VPS9D1: variants seen among roughly 807,000 people sequenced by gnomAD.
VPS9D1 encodes the protein VPS9 domain-containing protein 1.
A neutral mutation model predicts 75.8 loss-of-function variants in VPS9D1; 78 were observed. The ratio of observed to expected loss-of-function variants is 1.03; its 90% CI spans 0.86 to 1.24. VPS9D1 has a LOEUF of 1.24. Among genes scored for constraint, VPS9D1 ranks in the 50% most tolerant of loss-of-function variants. VPS9D1 has a pLI of 0.00. For missense variants in VPS9D1, 1,057 were observed against 847.7 expected, an observed-to-expected ratio of 1.25 and a Z score of -3.07; for synonymous variants, 481 against 385.6, an observed-to-expected ratio of 1.25 and a Z score of -2.90.
intron 13 of VPS9D1, 52 bp downstream of exon 13, chr16:89,708,805 G>T (rs975195807): frequency 2.0e-6 from 3 of 1,494,292 alleles, no homozygotes; most frequent in Non-Finnish European, 2.7e-6. Context: ...CGTGACCATT[G>T]CCTTTCTAGG....
At chr16:89,720,166 C>T (rs989514897) in intron 1 of VPS9D1, among the ~76,000 whole-genome samples, 1 of 152,208 alleles carries the variant, frequency 6.6e-6, no homozygotes, top group African/African-American at 2.4e-5. Flanking sequence ...GGGAAAGCAG[C>T]AGATTCAGGA....
rs769127445 is a variant in VPS9D1, at chr16:89,708,473, G to A, written c.1756C>T (p.Gln586Ter). Reference protein sequence around the residue: ...SFVVLRSGLPQLVSECAALEE... With the variant: ...SFVVLRSGLP ...AGGGCCGCGCACTCCGACACCAGCT[G>A]AGGGAGGCCGCTCCTCAGCACCACG... Residue 586 changes from glutamine to a stop codon, truncating the protein, a stop_gained, in exon 14 of 15, where the codon CAG becomes TAG. Transcript: ENST00000389386. LOFTEE classifies it high-confidence loss of function. 1 of 1,613,114 alleles carries A rather than the reference G, an allele frequency of 6.2e-7. No homozygotes were observed. The highest frequency in any genetic ancestry group is 8.5e-7 in the Non-Finnish European group (1 of 1,179,922).
chr16:89,719,044 T>G lies in VPS9D1; in HGVS notation c.158A>C (p.Glu53Ala). The G allele has an allele frequency of 6.2e-7, 1 of 1,613,394 alleles. No homozygotes were observed. Among genetic ancestry groups the G allele is most frequent in the South Asian group, 1.1e-5 (1 of 91,048 alleles). Residue 53 changes from glutamate (E) to alanine (A), a missense_variant, in exon 2 of 15, where the codon GAA becomes GCA. Transcript: ENST00000389386. ...IHYISQVLLE[E>A]VETTKEAGET... is the part of the protein sequence containing the mutation. Reference sequence around the variant, plus strand: ...AGCCGTACCTTTAGTGGTTTCCACTTCTTCTAGTAACACCTGGGAGATATA... The same window carrying G: ...AGCCGTACCTTTAGTGGTTTCCACTGCTTCTAGTAACACCTGGGAGATATA...
At position 89,712,118 on chromosome 16, in the gene VPS9D1, G is replaced by A; in HGVS notation, c.607-19C>T. On this transcript the variant is annotated intron_variant, in intron 6 of 14. Transcript: ENST00000389386. ...TCTGGAGCTGGGTGCAGAGTCAAGG[G>A]GCCGAGCGTGGGATCTGAGCGGGCC... is the stretch of plus-strand genomic sequence containing the variant. 1 of 1,548,232 alleles carries A rather than the reference G, an allele frequency of 6.5e-7. No individual in the cohort carries two copies. Among genetic ancestry groups the A allele is most frequent in the Non-Finnish European group, 8.7e-7 (1 of 1,146,764 alleles).
At chr16:89,719,883 T>A (rs1025959981) in intron 1 of VPS9D1, among the ~76,000 whole-genome samples, 2 of 152,104 alleles carry the variant, frequency 1.3e-5, no homozygotes, top group East Asian at 3.9e-4. Context: ...CACACCCAGC[T>A]AATTTTTGTA....
intron 2 of VPS9D1, chr16:89,717,422 C>T: frequency 2.6e-6 from 1 of 391,508 alleles, no homozygotes; most frequent in Non-Finnish European, 5.2e-6. Context: ...CGGCTGTGTC[C>T]CCAAAGTCCT....
intron 2 of VPS9D1, among the ~76,000 whole-genome samples, chr16:89,718,320 G>A (rs1445954063): frequency 2.0e-5 from 3 of 152,142 alleles, no homozygotes; most frequent in Admixed American, 6.6e-5. Flanking sequence ...TCCACTCCCA[G>A]GCTGTCCTCT....
intron 2 of VPS9D1, chr16:89,718,226 C>A: frequency 2.6e-6 from 1 of 384,402 alleles, no homozygotes; most frequent in South Asian, 1.9e-5. Context: ...TGCTCTGTTC[C>A]ACCTTCAGGA....
intron 4 of VPS9D1, among the ~76,000 whole-genome samples, chr16:89,716,184 G>A (rs575637932): frequency 6.6e-6 from 1 of 151,904 alleles, no homozygotes; most frequent in East Asian, 2.0e-4. Flanking sequence ...GGCTAACATG[G>A]CAAAACCCCG....
intron 4 of VPS9D1, among the ~76,000 whole-genome samples, chr16:89,713,408 CTA>C (rs2060986272): frequency 1.3e-5 from 2 of 151,688 alleles, no homozygotes; most frequent in Admixed American, 1.3e-4. Flanking sequence ...GTGCCCGCCA[CTA>C]TGCCCGGCTA....
In VPS9D1 at chr16:89,716,625, C is replaced by G; in HGVS notation, c.269-1G>C. The G allele has an allele frequency of 6.2e-7, 1 of 1,612,678 alleles. No individual in the cohort carries two copies. The highest frequency in any genetic ancestry group is 8.5e-7 in the Non-Finnish European group (1 of 1,179,006). ...ATGGTTGGCTTCAGGCGTGTTTTCC[C>G]TGCAAGCCATGGGTAACCAGGGGTC... On this transcript the variant is annotated splice_acceptor_variant, in intron 3 of 14. Transcript: ENST00000389386. LOFTEE classifies it high-confidence loss of function.
At chr16:89,711,496 A>G (rs2060919514) in intron 8 of VPS9D1, 84 bp from the exon 9 acceptor site, 17 of 1,349,814 alleles carry the variant, frequency 1.3e-5, no homozygotes, top group Non-Finnish European at 1.7e-5. Context: ...GCCGACCCCT[A>G]GAGACTGTGG....
At chr16:89,719,510 T>G (rs2061185197) in intron 1 of VPS9D1, 1 of 367,970 alleles carries the variant, frequency 2.7e-6, no homozygotes. Context: ...GGTGATTCAT[T>G]CAGTGGCTTA....
rs772323937 is a variant in VPS9D1, at chr16:89,709,218, C to G, written c.1597+9G>C. The G allele has an allele frequency of 5.0e-6, 8 of 1,611,856 alleles. No individual in the cohort carries two copies. Among genetic ancestry groups the G allele is most frequent in the African/African-American group, 2.7e-5 (2 of 74,882 alleles). On this transcript the variant is annotated intron_variant, in intron 12 of 14. Transcript: ENST00000389386. ...CCTGTCCCTCCCCCTGACTCTCGAACCTGCTGACCTATGCACTCCAGCTTC... is the reference window on the plus strand; with the variant it reads ...CCTGTCCCTCCCCCTGACTCTCGAAGCTGCTGACCTATGCACTCCAGCTTC...
chr16:89,708,332 C>A lies in VPS9D1; in HGVS notation c.1802+95G>T, dbSNP rs1156856172. On this transcript the variant is annotated intron_variant, in intron 14 of 14. Transcript: ENST00000389386. Reference sequence around the variant, plus strand: ...TGGCTGTGACGGAGCCACACGCTACCCTCCCCAGCTGCTACTGACAACCAC... The same window carrying A: ...TGGCTGTGACGGAGCCACACGCTACACTCCCCAGCTGCTACTGACAACCAC... 4.0e-6 allele frequency: 5 copies of A among 1,244,192 alleles called. No homozygotes were observed. In the Admixed American group the frequency reaches 8.4e-5, roughly 21 times the overall value. The allele number at this position is 1,244,192 out of a possible 1,614,324, so 77.1% of individuals were successfully genotyped here. A position where few individuals can be genotyped will look rare whatever the true frequency, so the allele number is the denominator to read the frequency against.
At chr16:89,709,735 A>C (rs1281091330) in intron 11 of VPS9D1, 42 bp downstream of exon 11, 2 of 1,612,494 alleles carry the variant, frequency 1.2e-6, no homozygotes, top group Non-Finnish European at 1.7e-6. Context: ...CTGGGCTGGA[A>C]GACACTAGGC....
rs752810454 is a variant in VPS9D1 at position 89,709,762 on chromosome 16, C to T, written c.1388+15G>A. The T allele has an allele frequency of 3.1e-6, 5 of 1,613,370 alleles. No individual in the cohort carries two copies. Among genetic ancestry groups the T allele is most frequent in the Admixed American group, 1.7e-5 (1 of 60,006 alleles). On this transcript the variant is annotated intron_variant, in intron 11 of 14. Coordinates refer to ENST00000389386, the MANE Select transcript of VPS9D1 (RefSeq NM_004913.3). ...ACACTAGGCCACGCAGGTGGTTGTA[C>T]AGCTGGGTCCATACCTGTACAGGGC... is the stretch of plus-strand genomic sequence containing the variant.
chr16:89,710,513 C>T, intron 10 of VPS9D1, 73 bp downstream of exon 10: 2 of 1,483,684 alleles, frequency 1.3e-6, no homozygotes, highest in Non-Finnish European at 1.8e-6. Flanking sequence ...CTTCCCCAAA[C>T]AGAAGCTTGA....
chr16:89,719,507 CA>C (rs2061185137), intron 1 of VPS9D1: 16 of 368,514 alleles, frequency 4.3e-5, no homozygotes, highest in Admixed American at 1.1e-4. Context: ...AAGGGTGATT[CA>C]TTCAGTGGCT....
Sources: allele counts gnomAD v4.1 joint callset (sites outside exome capture counted in the v4.1 genomes callset), GRCh38; gene constraint gnomAD v4.1.1; transcripts MANE v1.5; gene names NCBI Gene and HGNC (gene_info 2026-07-23, HGNC 2026-07-21).